GRID2: variants seen among roughly 807,000 people sequenced by gnomAD.
GRID2 encodes the protein glutamate receptor ionotropic, delta-2.
In GRID2, 33 loss-of-function variants were observed where a neutral mutation model predicts 114.8. The ratio of observed to expected loss-of-function variants is 0.29; its 90% CI spans 0.22 to 0.38. The LOEUF is 0.38. Among genes scored for constraint, GRID2 ranks in the 10% least tolerant of loss-of-function variants. The probability of loss-of-function intolerance (pLI) is 1.00; values close to 1 mark genes in which losing one functional copy is unlikely to be tolerated. For missense variants in GRID2, 1,184 were observed against 1,257.7 expected, an observed-to-expected ratio of 0.94 and a Z score of 0.89; for synonymous variants, 505 against 449.9, an observed-to-expected ratio of 1.12 and a Z score of -1.55.
chr4:93,126,425 A>T (rs2149368709), intron 4 of GRID2, among the ~76,000 whole-genome samples: 1 of 152,116 alleles, frequency 6.6e-6, no homozygotes, highest in East Asian at 1.9e-4. Context: ...CACTATTGAC[A>T]ATTTGAACCA....
chr4:93,676,018 T>C (rs1724824397), intron 14 of GRID2, among the ~76,000 whole-genome samples: 1 of 152,184 alleles, frequency 6.6e-6, no homozygotes, highest in African/African-American at 2.4e-5. Context: ...CAAGAGTAAT[T>C]TGAGGTAACC....
chr4:93,316,848 A>G (rs985720560), intron 8 of GRID2, among the ~76,000 whole-genome samples: 1 of 152,088 alleles, frequency 6.6e-6, no homozygotes, highest in African/African-American at 2.4e-5. Context: ...TTTCCTTTCA[A>G]ACTATTTCTG....
chr4:93,557,956 A>G (rs1455017949), intron 13 of GRID2, among the ~76,000 whole-genome samples: 1 of 152,230 alleles, frequency 6.6e-6, no homozygotes, highest in Non-Finnish European at 1.5e-5. Context: ...ACACAACTAC[A>G]TGGAAATTGA....
chr4:92,457,759 G>A (rs546132897), intron 1 of GRID2, among the ~76,000 whole-genome samples: 17 of 151,976 alleles, frequency 1.1e-4, no homozygotes, highest in South Asian at 2.1e-4. Flanking sequence ...GAAAAGGCAC[G>A]AAAGCATCAC....
chr4:92,934,339 T>C (rs1750473236), intron 2 of GRID2, among the ~76,000 whole-genome samples: 2 of 151,714 alleles, frequency 1.3e-5, no homozygotes, highest in South Asian at 2.1e-4. Context: ...CTGTCTGTTA[T>C]TGGTGTATAA....
At chr4:93,148,180 C>T (rs1024552898) in intron 4 of GRID2, among the ~76,000 whole-genome samples, 1 of 152,330 alleles carries the variant, frequency 6.6e-6, no homozygotes, top group Non-Finnish European at 1.5e-5. Context: ...TTAAATGACA[C>T]TGACCATGAT....
chr4:93,418,511 C>T (rs1161920420), intron 9 of GRID2, among the ~76,000 whole-genome samples: 3 of 151,988 alleles, frequency 2.0e-5, no homozygotes, highest in African/African-American at 7.2e-5. Context: ...TTTCTTCAAA[C>T]ACAATAAACA....
chr4:93,799,210 A>G (rs138943683), intron 1 of GRID2, among the ~76,000 whole-genome samples: 33 of 152,336 alleles, frequency 2.2e-4, no homozygotes, highest in Non-Finnish European at 4.4e-4. Context: ...ATTGCAATGC[A>G]CTGTTAAGTA....
chr4:92,584,737 T>G (rs1377047167), intron 1 of GRID2, among the ~76,000 whole-genome samples: 5 of 151,910 alleles, frequency 3.3e-5, no homozygotes, highest in African/African-American at 1.2e-4. Flanking sequence ...TGTACTGATG[T>G]ACCCTCTGTC....
chr4:93,614,502 A>G (rs745787536), intron 13 of GRID2, among the ~76,000 whole-genome samples: 1 of 152,278 alleles, frequency 6.6e-6, no homozygotes. Flanking sequence ...TAATAATTAT[A>G]TATGTTTTAT....
intron 14 of GRID2, among the ~76,000 whole-genome samples, chr4:93,661,481 G>A (rs2149737747): frequency 6.6e-6 from 1 of 152,288 alleles, no homozygotes; most frequent in African/African-American, 2.4e-5. Flanking sequence ...GTCTTATGGA[G>A]AAAATATGTG....
intron 3 of GRID2, among the ~76,000 whole-genome samples, chr4:93,110,093 T>C (rs747216831): frequency 1.3e-5 from 2 of 152,184 alleles, no homozygotes; most frequent in African/African-American, 4.8e-5. Context: ...TGAAAAAATA[T>C]GTTTTGCACA....
chr4:93,487,537 C>A (rs1560672194), intron 11 of GRID2, among the ~76,000 whole-genome samples: 1 of 151,814 alleles, frequency 6.6e-6, no homozygotes, highest in Non-Finnish European at 1.5e-5. Flanking sequence ...TGACCCATGA[C>A]TTCATTTATG....
chr4:93,800,433 A>T (rs1163825927), intron 1 of GRID2, among the ~76,000 whole-genome samples: 1 of 152,224 alleles, frequency 6.6e-6, no homozygotes, highest in Non-Finnish European at 1.5e-5. Context: ...ATTTCTAGAG[A>T]TGTAAGTAGC....
At chr4:93,334,669 A>G (rs917871841) in intron 8 of GRID2, among the ~76,000 whole-genome samples, 6 of 152,170 alleles carry the variant, frequency 3.9e-5, no homozygotes, top group African/African-American at 1.2e-4. Context: ...ATCATGACCT[A>G]TTAAAATTTC....
chr4:93,282,369 T>C, intron 8 of GRID2: 1 of 447,946 alleles, frequency 2.2e-6, no homozygotes, highest in South Asian at 1.6e-5. Flanking sequence ...TAACTTTATT[T>C]ATTGTAGTTC....
chr4:93,092,513 G>T (rs1468278398), intron 3 of GRID2, among the ~76,000 whole-genome samples: 1 of 152,038 alleles, frequency 6.6e-6, no homozygotes, highest in Non-Finnish European at 1.5e-5. Context: ...ATACAGTGCA[G>T]GCCCTGGTAA....
At chr4:93,255,176 G>A (rs1749427225) in intron 8 of GRID2, among the ~76,000 whole-genome samples, 3 of 151,456 alleles carry the variant, frequency 2.0e-5, no homozygotes, top group Admixed American at 2.0e-4. Context: ...TTTCCAAGTA[G>A]GCATTATTTT....
At position 92,548,304 on chromosome 4, in the gene GRID2, T is replaced by C. The variant is rs547239443; in HGVS notation, c.89-41827T>C. Reference sequence around the variant, plus strand: ...GCACTTGCCATGTAGCAGGTATTCATTCAATGCCCTTTTATTTAACCCAGT... The same window carrying C: ...GCACTTGCCATGTAGCAGGTATTCACTCAATGCCCTTTTATTTAACCCAGT... On this transcript the variant is annotated intron_variant, in intron 1 of 15. Transcript: ENST00000282020. Among the ~76,000 whole-genome samples, 8 of 152,180 alleles carry C rather than the reference T, an allele frequency of 5.3e-5. No homozygotes were observed. The South Asian group carries it at 1.7e-3, about 32-fold the overall frequency.
Sources: allele counts gnomAD v4.1 joint callset (sites outside exome capture counted in the v4.1 genomes callset), GRCh38; gene constraint gnomAD v4.1.1; transcripts MANE v1.5; gene names NCBI Gene and HGNC (gene_info 2026-07-23, HGNC 2026-07-21).